TNFAIP8L3: variants seen among roughly 807,000 people sequenced by gnomAD.
TNFAIP8L3 encodes tumor necrosis factor alpha-induced protein 8-like protein 3.
In TNFAIP8L3, 7 loss-of-function variants were observed where a neutral mutation model predicts 11.8. The observed-to-expected ratio is 0.59, with a 90% CI of 0.34 to 1.11. TNFAIP8L3 has a LOEUF of 1.11. Among genes scored for constraint, TNFAIP8L3 ranks in the 50% most tolerant of loss-of-function variants. The probability of loss-of-function intolerance (pLI) is 0.03; values close to 1 mark genes in which losing one functional copy is unlikely to be tolerated. For missense variants in TNFAIP8L3, 219 were observed against 258.6 expected, an observed-to-expected ratio of 0.85 and a Z score of 1.05; for synonymous variants, 98 against 103.8, an observed-to-expected ratio of 0.94 and a Z score of 0.34.
intron 1 of TNFAIP8L3, among the ~76,000 whole-genome samples, chr15:51,061,892 G>A (rs1006548577): frequency 6.6e-6 from 1 of 152,146 alleles, no homozygotes; most frequent in Non-Finnish European, 1.5e-5. Context: ...GTGAGGTATG[G>A]TGTCTTACCA....
intron 1 of TNFAIP8L3, among the ~76,000 whole-genome samples, chr15:51,065,017 C>G (rs1202427952): frequency 1.3e-5 from 2 of 152,174 alleles, no homozygotes; most frequent in African/African-American, 4.8e-5. Flanking sequence ...ATTCTTTTAA[C>G]CATGTTTGAA....
intron 1 of TNFAIP8L3, among the ~76,000 whole-genome samples, chr15:51,070,914 A>G (rs1418130522): frequency 6.7e-6 from 1 of 148,536 alleles, no homozygotes; most frequent in South Asian, 2.1e-4. Flanking sequence ...AGCCGGGCGT[A>G]GTGGCGGGCG....
At chr15:51,102,636 A>C (rs2065562860) in intron 1 of TNFAIP8L3, among the ~76,000 whole-genome samples, 2 of 152,304 alleles carry the variant, frequency 1.3e-5, no homozygotes, top group South Asian at 2.1e-4. Context: ...TGAAGAAATA[A>C]ATCTAGAAAG....
chr15:51,074,205 G>A (rs1256870984), intron 1 of TNFAIP8L3, among the ~76,000 whole-genome samples: 3 of 152,156 alleles, frequency 2.0e-5, no homozygotes, highest in Non-Finnish European at 4.4e-5. Context: ...TTCTGTGTCT[G>A]AGAGTGTTTA....
chr15:51,090,335 G>A (rs1181661244), intron 1 of TNFAIP8L3, among the ~76,000 whole-genome samples: 1 of 152,144 alleles, frequency 6.6e-6, no homozygotes, highest in Admixed American at 6.5e-5. Context: ...CTTCTCTGAT[G>A]TTGTGGCCAT....
At chr15:51,083,153 T>C (rs758472080) in intron 1 of TNFAIP8L3, among the ~76,000 whole-genome samples, 1 of 152,170 alleles carries the variant, frequency 6.6e-6, no homozygotes, top group Non-Finnish European at 1.5e-5. Flanking sequence ...AGTAAGGGAT[T>C]CTGGGGCCAC....
intron 1 of TNFAIP8L3, among the ~76,000 whole-genome samples, chr15:51,084,365 A>G (rs1595615845): frequency 6.6e-6 from 1 of 152,246 alleles, no homozygotes; most frequent in East Asian, 1.9e-4. Flanking sequence ...TGGAAATGTC[A>G]TTATGTATTT....
At position 51,094,337 on chromosome 15, in the gene TNFAIP8L3, C is replaced by G. The variant is rs2065494868; in HGVS notation, c.52+207G>C. On this transcript the variant is annotated intron_variant, in intron 1 of 1. Transcript: ENST00000637513. The surrounding 1 kb of genome is among the most constrained non-coding windows in gnomAD (Gnocchi z 4.4). ...GGAGACTGGCAGCAAGGAGAGCCAC[C>G]CCTAAATGCACCTTCCCTCCCTCCC... Among the ~76,000 whole-genome samples, 1 of 152,140 alleles carries G rather than the reference C, an allele frequency of 6.6e-6. No homozygotes were observed. The highest frequency in any genetic ancestry group is 1.5e-5 in the Non-Finnish European group (1 of 68,006).
At position 51,056,709 on chromosome 15, in the gene TNFAIP8L3, A is replaced by G. The variant is rs1163845759; in HGVS notation, c.*1172T>C. On this transcript the variant is annotated 3_prime_UTR_variant, in exon 2 of 2. Coordinates refer to ENST00000637513, the MANE Select transcript of TNFAIP8L3 (RefSeq NM_001311175.2). ...CATTCTGCCTGATTCTCCCGTGCAT[A>G]TGGAATAAAGCCTCCCTGAGCTCCA... 6.6e-6 allele frequency: 1 copy of G among 152,026 alleles called. No individual in the cohort carries two copies. The highest frequency in any genetic ancestry group is 1.5e-5 in the Non-Finnish European group (1 of 68,020). 9.4% of individuals were successfully genotyped at this position (152,026 alleles called of 1,614,324 possible).
intron 1 of TNFAIP8L3, among the ~76,000 whole-genome samples, chr15:51,073,345 T>A (rs1374182710): frequency 6.6e-6 from 1 of 152,208 alleles, no homozygotes; most frequent in Non-Finnish European, 1.5e-5. Flanking sequence ...TAACATGACA[T>A]GTCTCTCCAT....
intron 1 of TNFAIP8L3, among the ~76,000 whole-genome samples, chr15:51,069,255 C>T (rs1396377589): frequency 6.6e-6 from 1 of 152,152 alleles, no homozygotes; most frequent in Non-Finnish European, 1.5e-5. Context: ...CTGCTCAGTC[C>T]CAGAGATTCA....
chr15:51,063,491 C>T (rs1252019784), intron 1 of TNFAIP8L3, among the ~76,000 whole-genome samples: 2 of 152,130 alleles, frequency 1.3e-5, no homozygotes, highest in Non-Finnish European at 2.9e-5. Context: ...AAGATTATAC[C>T]ATTTAAGAAG....
intron 1 of TNFAIP8L3, among the ~76,000 whole-genome samples, chr15:51,100,285 A>G (rs1413895187): frequency 6.6e-6 from 1 of 152,154 alleles, no homozygotes; most frequent in Non-Finnish European, 1.5e-5. Flanking sequence ...AGGTTGAACA[A>G]TCCTACCCAG....
chr15:51,085,689 T>C (rs1261317293), intron 1 of TNFAIP8L3, among the ~76,000 whole-genome samples: 2 of 152,010 alleles, frequency 1.3e-5, no homozygotes, highest in African/African-American at 4.8e-5. Context: ...TGGCCTCCAG[T>C]TCTGGTTCTA....
At chr15:51,076,411 TC>T (rs2065350290) in intron 1 of TNFAIP8L3, among the ~76,000 whole-genome samples, 1 of 152,220 alleles carries the variant, frequency 6.6e-6, no homozygotes, top group Non-Finnish European at 1.5e-5. Context: ...AGGCTTAACT[TC>T]CTGGAAGTTT....
chr15:51,090,892 C>T (rs74730959), intron 1 of TNFAIP8L3, among the ~76,000 whole-genome samples: 3,526 of 152,184 alleles, frequency 0.023, 168 homozygotes, highest in African/African-American at 0.082. Context: ...CTTATCTGCC[C>T]TCAGCTGGGT....
intron 1 of TNFAIP8L3, among the ~76,000 whole-genome samples, chr15:51,078,277 CG>C (rs1369771503): frequency 7.0e-6 from 1 of 142,990 alleles, no homozygotes; most frequent in East Asian, 2.0e-4. Context: ...AGGGCATTTT[CG>C]GTTGTCACAA....
chr15:51,104,461 A>G (rs1174100290), intron 1 of TNFAIP8L3, among the ~76,000 whole-genome samples: 2 of 152,226 alleles, frequency 1.3e-5, no homozygotes, highest in South Asian at 2.1e-4. Flanking sequence ...TCCACGCAGC[A>G]AGGAGTTTGT....
Position 51,056,792 on chromosome 15 carries a change from C to G in TNFAIP8L3, c.*1089G>C, listed in dbSNP as rs1478948891. ...GAGGGAGCACAGTGCTTCTCTGTTT[C>G]TATATTGTGGATGGAAAACTCTCTC... On this transcript the variant is annotated 3_prime_UTR_variant, in exon 2 of 2. Transcript: ENST00000637513. 6.6e-6 allele frequency: 1 copy of G among 152,048 alleles called. No individual in the cohort carries two copies. Among genetic ancestry groups the G allele is most frequent in the African/African-American group, 2.4e-5 (1 of 41,394 alleles). 9.4% of individuals were successfully genotyped at this position (152,048 alleles called of 1,614,324 possible).
Sources: gnomAD v4.1 joint callset for allele counts (sites outside exome capture counted in the v4.1 genomes callset) on GRCh38, gnomAD v4.1.1 for gene constraint, Gnocchi (gnomAD v3.1) non-coding constraint, MANE v1.5 for transcripts, NCBI Gene and HGNC (gene_info 2026-07-23, HGNC 2026-07-21) for gene names.